ARHGEF3: variants seen among roughly 807,000 people sequenced by gnomAD.
ARHGEF3 encodes Rho guanine nucleotide exchange factor 3, also known as 59.8 kDA protein.
ARHGEF3 carries 28 observed loss-of-function variants against 63.2 expected under a neutral mutation model. That is an observed-to-expected ratio of 0.44 (90% CI 0.33 to 0.61). The LOEUF (loss-of-function observed/expected upper bound fraction) is 0.61. Ranked by LOEUF, ARHGEF3 falls within the 20% of genes least tolerant of loss-of-function variation. The pLI is 0.03. For synonymous variants in ARHGEF3, 266 were observed against 254.2 expected (o/e 1.05, Z -0.44); for missense variants, 533 against 659.3 (o/e 0.81, Z 2.10).
chr3:56,866,874 T>C (rs906139757), intron 4 of ARHGEF3, among the ~76,000 whole-genome samples: 5 of 152,252 alleles, frequency 3.3e-5, no homozygotes, highest in Non-Finnish European at 7.3e-5. Flanking sequence ...TTCCTACCAC[T>C]ATCCTGAGAG....
chr3:56,875,331 C>T (rs2040550981), intron 4 of ARHGEF3, among the ~76,000 whole-genome samples: 1 of 152,132 alleles, frequency 6.6e-6, no homozygotes, highest in African/African-American at 2.4e-5. Flanking sequence ...TAATATTAAT[C>T]CCAGGAAAAC....
At chr3:57,052,220 C>A (rs943809952) in intron 1 of ARHGEF3, among the ~76,000 whole-genome samples, 1 of 152,214 alleles carries the variant, frequency 6.6e-6, no homozygotes, top group Non-Finnish European at 1.5e-5. Context: ...GTGCCTCTCA[C>A]CCTCACATCC....
intron 3 of ARHGEF3, among the ~76,000 whole-genome samples, chr3:56,899,971 G>A (rs535720340): frequency 2.0e-5 from 3 of 152,272 alleles, no homozygotes; most frequent in South Asian, 2.1e-4. Flanking sequence ...AAAAGCGTTC[G>A]CCATCCTTTG....
At chr3:56,764,624 G>A (rs1484120823) in intron 2 of ARHGEF3, among the ~76,000 whole-genome samples, 6 of 152,074 alleles carry the variant, frequency 3.9e-5, no homozygotes, top group Non-Finnish European at 7.4e-5. Flanking sequence ...ATCTTGCAGA[G>A]TTTTGGAGAA....
intron 2 of ARHGEF3, chr3:56,975,735 A>G: frequency 2.5e-6 from 1 of 404,374 alleles, no homozygotes; most frequent in South Asian, 1.8e-5. Flanking sequence ...ACAACAGAGG[A>G]AAGGAGATGG....
At chr3:56,819,469 C>A (rs1388195633) in intron 4 of ARHGEF3, among the ~76,000 whole-genome samples, 1 of 150,482 alleles carries the variant, frequency 6.6e-6, no homozygotes, top group African/African-American at 2.4e-5. Context: ...TCTAACAATT[C>A]TTATTACTAC....
intron 2 of ARHGEF3, among the ~76,000 whole-genome samples, chr3:57,031,739 G>A (rs1703743901): frequency 6.6e-6 from 1 of 151,704 alleles, no homozygotes. Context: ...GGAGGCTGAG[G>A]TGGATGGATC....
At position 56,889,343 on chromosome 3, in the gene ARHGEF3, G is replaced by A. The variant is rs118030430; in HGVS notation, c.130-6989C>T. Among the ~76,000 whole-genome samples, 192 of 152,242 alleles carry A rather than the reference G, an allele frequency of 1.3e-3. 8 individuals carry two copies. In the East Asian group the frequency reaches 0.035, roughly 28 times the overall value. ...TGGCCGTGGTCCAAGCCTGAATAGC[G>A]TGTCCTTACCTGGCTTAACTTCCAT... On this transcript the variant is annotated intron_variant, in intron 3 of 12. Transcript: ENST00000338458.
At chr3:56,887,009 C>T (rs139767666) in intron 3 of ARHGEF3, among the ~76,000 whole-genome samples, 49 of 152,288 alleles carry the variant, frequency 3.2e-4, no homozygotes, top group African/African-American at 8.2e-4. Context: ...AAGAAAATAA[C>T]CTTTATTCTA....
chr3:57,056,923 A>G (rs2107326585), intron 1 of ARHGEF3, among the ~76,000 whole-genome samples: 1 of 151,984 alleles, frequency 6.6e-6, no homozygotes, highest in South Asian at 2.1e-4. Context: ...GGCCTTGACC[A>G]TGCAGGTCTA....
chr3:56,766,985 T>G lies in ARHGEF3; in HGVS notation c.204+6724A>C, dbSNP rs143186671. ...GAGTGATTAACTCAACTGTACATTCTTTTGATGAAATGCTTTATGAGTCCA... is the reference window on the plus strand; with the variant it reads ...GAGTGATTAACTCAACTGTACATTCGTTTGATGAAATGCTTTATGAGTCCA... On this transcript the variant is annotated intron_variant, in intron 2 of 9. Coordinates refer to ENST00000296315, the MANE Select transcript of ARHGEF3 (RefSeq NM_019555.3). 8.9e-4 allele frequency among the ~76,000 whole-genome samples: 136 copies of G among 152,306 alleles called. 1 individual carries two copies. Among genetic ancestry groups the G allele is most frequent in the Admixed American group, 1.9e-3 (29 of 15,300 alleles).
intron 3 of ARHGEF3, among the ~76,000 whole-genome samples, chr3:56,929,522 G>A (rs1390329138): frequency 2.6e-5 from 4 of 152,136 alleles, no homozygotes; most frequent in Admixed American, 2.6e-4. Flanking sequence ...TTCAGGTCTT[G>A]GGTGGAGCCT....
intron 1 of ARHGEF3, among the ~76,000 whole-genome samples, chr3:56,789,292 C>T (rs192179118): frequency 3.2e-4 from 49 of 152,222 alleles, no homozygotes; most frequent in Non-Finnish European, 6.5e-4. Context: ...AGGGCTGACT[C>T]CAATTAAAGT....
At chr3:56,936,351 C>T (rs928825321) in intron 3 of ARHGEF3, among the ~76,000 whole-genome samples, 1 of 152,196 alleles carries the variant, frequency 6.6e-6, no homozygotes. Context: ...ACTATATATT[C>T]TCTTATTAAA....
intron 7 of ARHGEF3, among the ~76,000 whole-genome samples, chr3:56,737,741 A>T (rs1184145757): frequency 6.6e-6 from 1 of 152,234 alleles, no homozygotes; most frequent in African/African-American, 2.4e-5. Context: ...AACAAAGCAG[A>T]ATGTAAGAGT....
intron 3 of ARHGEF3, among the ~76,000 whole-genome samples, chr3:56,907,676 A>G (rs1241197055): frequency 6.6e-6 from 1 of 152,242 alleles, no homozygotes; most frequent in Non-Finnish European, 1.5e-5. Flanking sequence ...ACCATGGAAT[A>G]CTATGCAGCC....
intron 3 of ARHGEF3, among the ~76,000 whole-genome samples, chr3:56,941,398 G>C (rs1313109781): frequency 6.6e-6 from 1 of 152,192 alleles, no homozygotes; most frequent in Non-Finnish European, 1.5e-5. Context: ...AGTAGAGACA[G>C]GGTTTTGCCA....
intron 4 of ARHGEF3, among the ~76,000 whole-genome samples, chr3:56,819,493 ATGT>A (rs1477774313): frequency 6.7e-6 from 1 of 149,112 alleles, no homozygotes; most frequent in Non-Finnish European, 1.5e-5. Flanking sequence ...TTAATTAACC[ATGT>A]TCTACCAGGT....
chr3:56,775,771 A>T, intron 1 of ARHGEF3: 2 of 604,452 alleles, frequency 3.3e-6, no homozygotes, highest in Non-Finnish European at 4.1e-6. Flanking sequence ...CCACTAGCGT[A>T]CTGAATACAC....
Sources: gnomAD v4.1 joint callset for allele counts (sites outside exome capture counted in the v4.1 genomes callset) on GRCh38, gnomAD v4.1.1 for gene constraint, MANE v1.5 for transcripts, NCBI Gene and HGNC (gene_info 2026-07-23, HGNC 2026-07-21) for gene names.